The following PRMT7 variants were observed in gnomAD, a reference collection of about 807,000 sequenced individuals.
The protein encoded by PRMT7 is protein arginine N-methyltransferase 7.
Under a neutral mutation model 85.4 loss-of-function variants are expected in PRMT7, and 75 were observed. The observed-to-expected ratio is 0.88, with a 90% CI of 0.73 to 1.06. The LOEUF (loss-of-function observed/expected upper bound fraction) is 1.06. PRMT7 is among the 50% of genes least tolerant of loss of function. The pLI is 0.00. For synonymous variants in PRMT7, 397 were observed against 359.5 expected (o/e 1.10, Z -1.18); for missense variants, 868 against 915.2 (o/e 0.95, Z 0.67).
intron 9 of PRMT7, among the ~76,000 whole-genome samples, chr16:68,342,057 C>T (rs2085628170): frequency 6.6e-6 from 1 of 152,174 alleles, no homozygotes; most frequent in African/African-American, 2.4e-5. Context: ...GTGGGTGGAT[C>T]ATTTGAGGTC....
intron 9 of PRMT7, 107 bp from the exon 10 acceptor site, chr16:68,345,568 C>G: frequency 6.7e-7 from 1 of 1,498,408 alleles, no homozygotes; most frequent in Non-Finnish European, 9.1e-7. Flanking sequence ...CTGTAGTCTA[C>G]ATTGTGGACG....
chr16:68,350,016 T>C (rs2087045963), intron 14 of PRMT7, among the ~76,000 whole-genome samples: 1 of 152,240 alleles, frequency 6.6e-6, no homozygotes, highest in African/African-American at 2.4e-5. Context: ...GTGTCTCCAG[T>C]ATGTGCCTCT....
chr16:68,314,825 T>C (rs935975141), intron 2 of PRMT7, among the ~76,000 whole-genome samples: 5 of 152,168 alleles, frequency 3.3e-5, no homozygotes, highest in Non-Finnish European at 7.4e-5. Flanking sequence ...GAAATAGATC[T>C]CTTTGGGGAG....
intron 4 of PRMT7, among the ~76,000 whole-genome samples, chr16:68,323,339 C>T (rs2082727553): frequency 1.3e-5 from 2 of 151,906 alleles, no homozygotes; most frequent in South Asian, 2.1e-4. Context: ...CTGCCTTAGC[C>T]TCCCAAGTAG....
chr16:68,344,645 G>A (rs1369567271), intron 9 of PRMT7, among the ~76,000 whole-genome samples: 2 of 151,930 alleles, frequency 1.3e-5, no homozygotes, highest in East Asian at 1.9e-4. Flanking sequence ...AAACCTGTAT[G>A]TGGGGTTTGT....
At chr16:68,343,258 G>A (rs1448936974) in intron 9 of PRMT7, among the ~76,000 whole-genome samples, 3 of 152,128 alleles carry the variant, frequency 2.0e-5, no homozygotes, top group Non-Finnish European at 4.4e-5. Context: ...GCGCTACTAT[G>A]TATTTTTTCT....
Position 68,312,038 on chromosome 16 carries a change from A to G in PRMT7, c.-218-4A>G, listed in dbSNP as rs2043830624. On this transcript the variant is annotated splice_region_variant and splice_polypyrimidine_tract_variant and intron_variant, in intron 1 of 18. Coordinates refer to ENST00000441236, the MANE Select transcript of PRMT7 (RefSeq NM_019023.5). ...AATTTTGTTATTTTATTTTTTCGAG[A>G]CAGAGTCTCACTCTGCTGCCTAGGC... 1 of 151,506 alleles carries G rather than the reference A, an allele frequency of 6.6e-6. No individual in the cohort carries two copies. The allele number at this position is 151,506 out of a possible 1,614,324, so 9.4% of individuals were successfully genotyped here.
intron 3 of PRMT7, among the ~76,000 whole-genome samples, chr16:68,318,323 T>C (rs979393499): frequency 3.3e-5 from 5 of 151,624 alleles, no homozygotes; most frequent in African/African-American, 1.2e-4. Context: ...CCTCAGCCTC[T>C]TGAGTAGCTG....
chr16:68,315,997 TCGGGCCAATCCGACCA>T lies in PRMT7; in HGVS notation c.23_38del (p.Ala8GlyfsTer34), dbSNP rs750648887. The T allele has an allele frequency of 1.2e-6, 2 of 1,613,572 alleles. No homozygotes were observed. The highest frequency in any genetic ancestry group is 2.7e-5 in the African/African-American group (2 of 74,932). On this transcript the variant is annotated frameshift_variant, in exon 3 of 19. Transcript: ENST00000441236. LOFTEE classifies it high-confidence loss of function. ...TGGGCACCATGAAGATCTTCTGCAG[TCGGGCCAATCCGACCA>T]CGGGGTCTGTGGAGTGGCTGGAGGA... is the stretch of plus-strand genomic sequence containing the variant.
At position 68,356,357 on chromosome 16, in the gene PRMT7, A is replaced by G. The variant is rs570670721; in HGVS notation, c.1812-344A>G. 5.3e-4 allele frequency among the ~76,000 whole-genome samples: 80 copies of G among 152,326 alleles called. 1 individual carries two copies. The highest frequency in any genetic ancestry group is 1.9e-3 in the African/African-American group (77 of 41,576). ...CAGGCAGCCAGGCAGGGCGGGCGCCATCACCTGAGCTCCCAGGGTTGCTGT... is the reference window on the plus strand; with the variant it reads ...CAGGCAGCCAGGCAGGGCGGGCGCCGTCACCTGAGCTCCCAGGGTTGCTGT... On this transcript the variant is annotated intron_variant, in intron 17 of 18. Coordinates refer to ENST00000441236, the MANE Select transcript of PRMT7 (RefSeq NM_019023.5).
At chr16:68,334,944 G>A (rs550806165) in intron 6 of PRMT7, among the ~76,000 whole-genome samples, 19 of 152,022 alleles carry the variant, frequency 1.2e-4, no homozygotes, top group African/African-American at 4.1e-4. Flanking sequence ...CTACAGGCGC[G>A]TGCTACTACA....
intron 5 of PRMT7, among the ~76,000 whole-genome samples, chr16:68,327,428 A>G (rs552986830): frequency 4.6e-5 from 7 of 152,156 alleles, no homozygotes; most frequent in African/African-American, 1.7e-4. Flanking sequence ...AGACTTCTGG[A>G]TGGGGGATTC....
intron 14 of PRMT7, among the ~76,000 whole-genome samples, chr16:68,349,403 A>G (rs2086929770): frequency 6.6e-6 from 1 of 152,020 alleles, no homozygotes; most frequent in African/African-American, 2.4e-5. Flanking sequence ...CCATCCTGTC[A>G]CCTTTCCTTG....
chr16:68,334,697 C>A (rs1246409478), intron 6 of PRMT7, among the ~76,000 whole-genome samples: 1 of 152,168 alleles, frequency 6.6e-6, no homozygotes, highest in Non-Finnish European at 1.5e-5. Context: ...CAGACTCCCC[C>A]ACCCCGTGCC....
chr16:68,315,948 T>G lies in PRMT7; in HGVS notation c.-32T>G. The G allele has an allele frequency of 6.3e-7, 1 of 1,598,374 alleles. No individual in the cohort carries two copies. The highest frequency in any genetic ancestry group is 8.6e-7 in the Non-Finnish European group (1 of 1,166,626). ...AGAACTCAACTGGCAAGGCTGCTTT[T>G]CTGTGCTAAAACTGGGGAGCTAGTG... On this transcript the variant is annotated 5_prime_UTR_variant, in exon 3 of 19. Coordinates refer to ENST00000441236, the MANE Select transcript of PRMT7 (RefSeq NM_019023.5).
intron 3 of PRMT7, among the ~76,000 whole-genome samples, chr16:68,320,122 A>G (rs1403222275): frequency 6.6e-6 from 1 of 152,136 alleles, no homozygotes; most frequent in Non-Finnish European, 1.5e-5. Context: ...GCAGAGATGT[A>G]GGCCAGGTTA....
chr16:68,337,088 A>G (rs895335797), intron 6 of PRMT7, among the ~76,000 whole-genome samples: 2 of 152,066 alleles, frequency 1.3e-5, no homozygotes, highest in Admixed American at 1.3e-4. Context: ...GGGTTTTGTC[A>G]TGTTTCCCAG....
At chr16:68,359,727 G>C (rs376384938), downstream of PRMT7, 1 of 152,620 alleles carries the variant, frequency 6.6e-6, no homozygotes, top group African/African-American at 2.4e-5. Flanking sequence ...GGAGGTCAGC[G>C]GGGATTGTCA....
At chr16:68,345,242 C>T (rs1046755062) in intron 9 of PRMT7, among the ~76,000 whole-genome samples, 3 of 152,284 alleles carry the variant, frequency 2.0e-5, no homozygotes, top group East Asian at 1.9e-4. Flanking sequence ...TTGTAAATTC[C>T]GAGTACGTTA....
Sources: allele counts gnomAD v4.1 joint callset (sites outside exome capture counted in the v4.1 genomes callset), GRCh38; gene constraint gnomAD v4.1.1; transcripts MANE v1.5; gene names NCBI Gene and HGNC (gene_info 2026-07-23, HGNC 2026-07-21).